Variants in MAGI2 observed in about 807,000 individuals in gnomAD.
The protein encoded by MAGI2 is membrane associated guanylate kinase, WW and PDZ domain containing 2, also known as membrane-associated guanylate kinase, WW and PDZ domain-containing protein 2.
Under a neutral mutation model 133.3 loss-of-function variants are expected in MAGI2, and 35 were observed. That is an observed-to-expected ratio of 0.26 (90% CI 0.20 to 0.35). MAGI2 has a LOEUF of 0.35. MAGI2 is among the 10% of genes least tolerant of loss of function. The probability of loss-of-function intolerance (pLI) is 1.00; values close to 1 mark genes in which losing one functional copy is unlikely to be tolerated. For synonymous variants in MAGI2, 729 were observed against 710.6 expected (o/e 1.03, Z -0.41); for missense variants, 1,636 against 1,863.4 (o/e 0.88, Z 2.25).
chr7:78,974,804 T>C (rs2116052649), intron 2 of MAGI2, among the ~76,000 whole-genome samples: 1 of 151,842 alleles, frequency 6.6e-6, no homozygotes, highest in Non-Finnish European at 1.5e-5. Context: ...CTTAAAAATA[T>C]AAATCAAGTA....
chr7:78,754,216 A>G (rs1823726636), intron 2 of MAGI2, among the ~76,000 whole-genome samples: 1 of 151,746 alleles, frequency 6.6e-6, no homozygotes, highest in Admixed American at 6.6e-5. Context: ...GCTATCTACA[A>G]AAAAATTAGC....
intron 1 of MAGI2, among the ~76,000 whole-genome samples, chr7:79,438,819 T>G (rs908036827): frequency 5.3e-5 from 8 of 152,068 alleles, no homozygotes; most frequent in Admixed American, 5.2e-4. Context: ...GAAACCAAAT[T>G]TTCTCCTTTC....
chr7:78,303,168 A>C (rs1343755259), intron 9 of MAGI2, among the ~76,000 whole-genome samples: 1 of 152,060 alleles, frequency 6.6e-6, no homozygotes, highest in African/African-American at 2.4e-5. Flanking sequence ...ATCTGAAGTC[A>C]AGAGTTCGAG....
chr7:78,896,717 G>A (rs567666023), intron 2 of MAGI2, among the ~76,000 whole-genome samples: 7 of 151,968 alleles, frequency 4.6e-5, no homozygotes, highest in Admixed American at 4.6e-4. Flanking sequence ...ACAGATGCGT[G>A]CCACTACGCC....
intron 1 of MAGI2, among the ~76,000 whole-genome samples, chr7:79,342,301 C>G (rs1250774645): frequency 6.6e-6 from 1 of 152,158 alleles, no homozygotes; most frequent in African/African-American, 2.4e-5. Context: ...TAACTCGGTC[C>G]CCTGTGTTAA....
At chr7:79,169,099 C>G (rs1825268720) in intron 1 of MAGI2, among the ~76,000 whole-genome samples, 1 of 151,838 alleles carries the variant, frequency 6.6e-6, no homozygotes, top group Non-Finnish European at 1.5e-5. Context: ...CCCTTGGCAT[C>G]AGCAATATCA....
chr7:78,979,010 A>G (rs547714952), intron 2 of MAGI2, among the ~76,000 whole-genome samples: 1 of 152,032 alleles, frequency 6.6e-6, no homozygotes, highest in African/African-American at 2.4e-5. Context: ...GAAAGCATTA[A>G]TAATCCATGT....
intron 1 of MAGI2, among the ~76,000 whole-genome samples, chr7:79,089,684 T>A (rs1480196302): frequency 6.6e-6 from 1 of 152,078 alleles, no homozygotes; most frequent in East Asian, 1.9e-4. Flanking sequence ...GAAACCCTCA[T>A]TCTCAGCAAA....
intron 3 of MAGI2, among the ~76,000 whole-genome samples, chr7:78,569,890 C>T (rs933524856): frequency 1.3e-5 from 2 of 152,144 alleles, no homozygotes; most frequent in African/African-American, 4.8e-5. Flanking sequence ...ACGGTATTAT[C>T]CAGTACGTAA....
chr7:78,068,100 T>A (rs964770962), intron 21 of MAGI2, among the ~76,000 whole-genome samples: 1 of 152,196 alleles, frequency 6.6e-6, no homozygotes, highest in Non-Finnish European at 1.5e-5. Flanking sequence ...AATTTTTCCA[T>A]AGACCAGGTG....
intron 1 of MAGI2, among the ~76,000 whole-genome samples, chr7:79,333,316 C>A (rs747614616): frequency 1.3e-5 from 2 of 151,956 alleles, no homozygotes; most frequent in Non-Finnish European, 2.9e-5. Flanking sequence ...TTAGTACAGA[C>A]AGGGTTTCAC....
chr7:78,824,180 C>A (rs1478287652), intron 2 of MAGI2, among the ~76,000 whole-genome samples: 1 of 152,030 alleles, frequency 6.6e-6, no homozygotes, highest in Non-Finnish European at 1.5e-5. Context: ...TAAAACAACA[C>A]AACAAATTAA....
chr7:79,350,032 T>G (rs1329184739), intron 1 of MAGI2, among the ~76,000 whole-genome samples: 1 of 152,118 alleles, frequency 6.6e-6, no homozygotes, highest in Non-Finnish European at 1.5e-5. Flanking sequence ...TTTCCTAATG[T>G]TTAAGTACAG....
intron 1 of MAGI2, among the ~76,000 whole-genome samples, chr7:79,290,246 A>T (rs886494840): frequency 1.3e-5 from 2 of 152,066 alleles, no homozygotes; most frequent in African/African-American, 4.8e-5. Flanking sequence ...CTATTCTCGT[A>T]CCACCTCAAA....
chr7:78,396,092 C>T (rs1583876734), intron 6 of MAGI2, among the ~76,000 whole-genome samples: 1 of 152,320 alleles, frequency 6.6e-6, no homozygotes, highest in East Asian at 1.9e-4. Context: ...TAGAATAAAT[C>T]AGCCTACAGG....
rs149577039 is a variant in MAGI2 at position 78,238,895 on chromosome 7, C to T, written c.2047+17048G>A. On this transcript the variant is annotated intron_variant, in intron 10 of 21. Transcript: ENST00000354212. The stretch of plus-strand genomic sequence containing the variant: ...GCTACACAAGATTCCACATTACTTG[C>T]CTCCCTCCACCTCCAACAATCTCTT... Among the ~76,000 whole-genome samples, 89 of 152,294 alleles carry T rather than the reference C, an allele frequency of 5.8e-4. No individual in the cohort carries two copies. In the East Asian group the frequency reaches 0.015, roughly 26 times the overall value.
chr7:78,188,686 C>G (rs1391599972), intron 12 of MAGI2, among the ~76,000 whole-genome samples: 1 of 152,110 alleles, frequency 6.6e-6, no homozygotes, highest in Non-Finnish European at 1.5e-5. Context: ...CAGGCTGGGG[C>G]TTGATCTAGC....
At position 78,677,246 on chromosome 7, in the gene MAGI2, G is replaced by A. The variant is rs949031739; in HGVS notation, c.419-50007C>T. 5.9e-5 allele frequency among the ~76,000 whole-genome samples: 9 copies of A among 151,514 alleles called. No homozygotes were observed. In the East Asian group the frequency reaches 1.5e-3, roughly 26 times the overall value. On this transcript the variant is annotated intron_variant, in intron 2 of 21. Coordinates refer to ENST00000354212, the MANE Select transcript of MAGI2 (RefSeq NM_012301.4). ...GGTGTTATAATTTATCAATTGTGTT[G>A]ATCTGGCTCTACTAAGTCTCTTAAT...
chr7:79,232,275 C>A (rs940028810), intron 1 of MAGI2, among the ~76,000 whole-genome samples: 3 of 149,166 alleles, frequency 2.0e-5, no homozygotes, highest in Non-Finnish European at 4.5e-5. Flanking sequence ...GTGTCTCTGC[C>A]AGGCTTTGGT....
Sources: allele counts gnomAD v4.1 joint callset (sites outside exome capture counted in the v4.1 genomes callset), GRCh38; gene constraint gnomAD v4.1.1; transcripts MANE v1.5; gene names NCBI Gene and HGNC (gene_info 2026-07-23, HGNC 2026-07-21).